The following FNTA variants were observed in gnomAD, a reference collection of about 807,000 sequenced individuals.
FNTA encodes farnesyltransferase, CAAX box, subunit alpha, also known as protein farnesyltransferase/geranylgeranyltransferase type-1 subunit alpha.
Under a neutral mutation model 55.2 loss-of-function variants are expected in FNTA, and 27 were observed. That is an observed-to-expected ratio of 0.49 (90% CI 0.36 to 0.67). FNTA has a LOEUF of 0.67. FNTA is among the 30% of genes least tolerant of loss of function. FNTA has a pLI of 0.00. For synonymous variants in FNTA, 176 were observed against 170.7 expected (o/e 1.03, Z -0.24); for missense variants, 422 against 464.7 (o/e 0.91, Z 0.85).
At chr8:43,058,373 T>C (rs1326557596) in intron 1 of FNTA, among the ~76,000 whole-genome samples, 1 of 152,222 alleles carries the variant, frequency 6.6e-6, no homozygotes, top group Non-Finnish European at 1.5e-5. Context: ...CTTATTTTTA[T>C]CTTAAAATGT....
chr8:43,085,097 T>C (rs1811099663), intron 8 of FNTA, 63 bp from the exon 9 acceptor site: 4 of 1,371,262 alleles, frequency 2.9e-6, no homozygotes, highest in South Asian at 2.7e-5. Flanking sequence ...TTGTATTGGC[T>C]CAAAGGCATT....
At position 43,069,622 on chromosome 8, in the gene FNTA, G is replaced by T; in HGVS notation, c.469G>T (p.Ala157Ser). The change falls in exon 4 of 9, where the codon GCA becomes TCA. Residue 157 changes from alanine to serine, a missense_variant. Physicochemically the swap from Ala to Ser is moderately conservative, Grantham distance 99. Around this residue, in one of 2 missense-constraint regions of FNTA, gnomAD observed 262 missense variants for 343.1 expected, o/e 0.76. Coordinates refer to ENST00000302279, the MANE Select transcript of FNTA (RefSeq NM_002027.3). ...ACATGAGGAAATGAACTACATCACTGCAATAATTGAGGAGCAGCCCAAAAA... is the reference window on the plus strand; with the variant it reads ...ACATGAGGAAATGAACTACATCACTTCAATAATTGAGGAGCAGCCCAAAAA... ...DLHEEMNYIT[A>S]IIEEQPKNYQ... is the part of the protein sequence containing the mutation. 3 of 1,613,310 alleles carry T rather than the reference G, an allele frequency of 1.9e-6. No homozygotes were observed. The highest frequency in any genetic ancestry group is 2.5e-6 in the Non-Finnish European group (3 of 1,179,432).
At chr8:43,069,707 T>A in intron 4 of FNTA, 48 bp downstream of exon 4, 1 of 1,150,174 alleles carries the variant, frequency 8.7e-7, no homozygotes, top group East Asian at 2.4e-5. Flanking sequence ...TGCAGTGGCA[T>A]GACCTCGGCT....
intron 3 of FNTA, among the ~76,000 whole-genome samples, chr8:43,067,744 G>A (rs183367386): frequency 1.4e-3 from 208 of 151,174 alleles, no homozygotes; most frequent in African/African-American, 4.7e-3. Flanking sequence ...TTTTGAGATG[G>A]AGTCTCACGC....
chr8:43,084,294 A>C (rs1204883231), intron 7 of FNTA, among the ~76,000 whole-genome samples: 1 of 140,012 alleles, frequency 7.1e-6, no homozygotes, highest in Non-Finnish European at 1.5e-5. Flanking sequence ...ATCGTGGCCC[A>C]CTGCAGTCTC....
chr8:43,057,956 C>CAAAAAA (rs71550440), intron 1 of FNTA, among the ~76,000 whole-genome samples: 752 of 69,338 alleles, frequency 0.011, 10 homozygotes, highest in African/African-American at 0.038. Flanking sequence ...GACTCCATCT[C>CAAAAAA]AAAAAAAAAA....
At chr8:43,075,555 C>T (rs1810891195) in intron 5 of FNTA, among the ~76,000 whole-genome samples, 1 of 151,866 alleles carries the variant, frequency 6.6e-6, no homozygotes, top group Non-Finnish European at 1.5e-5. Flanking sequence ...GTGGCTCATG[C>T]CTGTAATCCC....
Position 43,056,433 on chromosome 8 carries a change from G to A in FNTA, c.87G>A (p.Pro29=), listed in dbSNP as rs1442930166. 1.3e-6 allele frequency: 2 copies of A among 1,539,656 alleles called. No homozygotes were observed. Among genetic ancestry groups the A allele is most frequent in the Admixed American group, 2.0e-5 (1 of 50,200 alleles). Residue 29 remains proline, a synonymous_variant, in exon 1 of 9, where the codon CCG becomes CCA. Transcript: ENST00000302279. ...AACCCCCGCCCCAGCCGCACCCACC[G>A]CCGCCCCAGCAGCAGCACAAGGAAG... ...PAQPPPQPHP[P]PPQQQHKEEM...
intron 5 of FNTA, among the ~76,000 whole-genome samples, chr8:43,075,138 C>T (rs1810880592): frequency 2.0e-5 from 3 of 152,132 alleles, no homozygotes; most frequent in Admixed American, 6.5e-5. Context: ...CATTATTAGA[C>T]TCTACAGACA....
chr8:43,085,034 A>T, intron 8 of FNTA, 126 bp from the exon 9 acceptor site: 1 of 1,115,262 alleles, frequency 9.0e-7, no homozygotes, highest in Non-Finnish European at 1.3e-6. Context: ...ACTTGGCAAC[A>T]CAGCCGGTGA....
At position 43,075,017 on chromosome 8, in the gene FNTA, A is replaced by G. The variant is rs991177794; in HGVS notation, c.634-2199A>G. Among the ~76,000 whole-genome samples, 3 of 152,192 alleles carry G rather than the reference A, an allele frequency of 2.0e-5. No homozygotes were observed. In the East Asian group the frequency reaches 5.8e-4, roughly 29 times the overall value. ...ATTGCACTTTAGTAAGATGTTTACC[A>G]TTTGGGGAATCTAAGTGAAGGGTAC... On this transcript the variant is annotated intron_variant, in intron 5 of 8. Transcript: ENST00000302279.
At chr8:43,056,974 C>T (rs1810422152) in intron 1 of FNTA, 1 of 152,292 alleles carries the variant, frequency 6.6e-6, no homozygotes, top group Non-Finnish European at 1.5e-5. Context: ...CAGATTTGCT[C>T]ACCCTAAAAA....
intron 8 of FNTA, 79 bp downstream of exon 8, chr8:43,084,960 C>A: frequency 7.2e-7 from 1 of 1,394,236 alleles, no homozygotes. Context: ...TCCATGTCCC[C>A]TTTCAACATC....
At position 43,056,400 on chromosome 8, in the gene FNTA, G is replaced by C. The variant is rs1223487513; in HGVS notation, c.54G>C (p.Gln18His). The C allele has an allele frequency of 6.6e-7, 1 of 1,511,064 alleles. No homozygotes were observed. Among genetic ancestry groups the C allele is most frequent in the Non-Finnish European group, 8.8e-7 (1 of 1,132,854 alleles). 93.6% of individuals were successfully genotyped at this position (1,511,064 alleles called of 1,614,324 possible). Residue 18 changes from glutamine (Q) to histidine (H), a missense_variant, in exon 1 of 9, where the codon CAG becomes CAC. Gln to His is a conservative substitution (Grantham distance 24). This residue lies in a region of FNTA where 160 missense variants were observed against 121.6 expected (regional missense o/e 1.32). Transcript: ENST00000302279. ...GEAAQGGEPG[Q>H]PAQPPPQPHP... ...CTGCGCAAGGGGGCGAGCCCGGGCA[G>C]CCGGCGCAACCCCCGCCCCAGCCGC...
chr8:43,064,226 C>G lies in FNTA; in HGVS notation c.401+11C>G, dbSNP rs1234162151. Reference sequence around the variant, plus strand: ...CAATTATACAGTGTGGTAAGTAATACACATCATCAGTATTCCCTGCTTAAA... The same window carrying G: ...CAATTATACAGTGTGGTAAGTAATAGACATCATCAGTATTCCCTGCTTAAA... On this transcript the variant is annotated intron_variant, in intron 3 of 8. Transcript: ENST00000302279. 6.8e-7 allele frequency: 1 copy of G among 1,468,146 alleles called. No individual in the cohort carries two copies. The highest frequency in any genetic ancestry group is 1.7e-5 in the Admixed American group (1 of 59,494). 90.9% of individuals were successfully genotyped at this position (1,468,146 alleles called of 1,614,324 possible). A position where few individuals can be genotyped will look rare whatever the true frequency, so the allele number is the denominator to read the frequency against.
At chr8:43,075,543 T>G (rs1289680506) in intron 5 of FNTA, among the ~76,000 whole-genome samples, 1 of 152,096 alleles carries the variant, frequency 6.6e-6, no homozygotes, top group Non-Finnish European at 1.5e-5. Context: ...TGCCTGGGTG[T>G]GGTGGCTCAT....
rs1379353605 is a variant in FNTA at position 43,085,363 on chromosome 8, C to T, written c.*81C>T. 1.5e-6 allele frequency: 2 copies of T among 1,351,242 alleles called. No homozygotes were observed. The highest frequency in any genetic ancestry group is 2.2e-5 in the Admixed American group (1 of 45,912). The allele number at this position is 1,351,242 out of a possible 1,614,324, so 83.7% of individuals were successfully genotyped here. ...GGAGTTTCACACGAGAGTGGTCCTT[C>T]CCTTTGCCTGTGGTGTAAAAGTGCA... On this transcript the variant is annotated 3_prime_UTR_variant, in exon 9 of 9. Transcript: ENST00000302279.
intron 2 of FNTA, among the ~76,000 whole-genome samples, chr8:43,059,701 TCTA>T (rs1477487255): frequency 6.6e-6 from 1 of 152,222 alleles, no homozygotes; most frequent in African/African-American, 2.4e-5. Context: ...TGTTAGTTCT[TCTA>T]GGAAAGGGAA....
At chr8:43,070,354 C>T (rs1810759715) in intron 4 of FNTA, 1 of 151,922 alleles carries the variant, frequency 6.6e-6, no homozygotes, top group Non-Finnish European at 1.5e-5. Context: ...AAAAACTTTA[C>T]CATTGTAGCC....
Sources: gnomAD v4.1 joint callset for allele counts (sites outside exome capture counted in the v4.1 genomes callset) on GRCh38, gnomAD v4.1.1 for gene constraint, gnomAD v4.1.1 regional missense constraint, MANE v1.5 for transcripts, NCBI Gene and HGNC (gene_info 2026-07-23, HGNC 2026-07-21) for gene names.